SFRP1: variants seen among roughly 807,000 people sequenced by gnomAD.
SFRP1 encodes the protein secreted frizzled related protein 1.
Under a neutral mutation model 25.9 loss-of-function variants are expected in SFRP1, and 9 were observed. That is an observed-to-expected ratio of 0.35 (90% confidence interval 0.21 to 0.61). The LOEUF is 0.61. Ranked by LOEUF, SFRP1 falls within the 20% of genes least tolerant of loss-of-function variation. The pLI, the probability that SFRP1 is intolerant of heterozygous loss-of-function variation, is 0.78. For synonymous variants in SFRP1, 178 were observed against 174.0 expected (o/e 1.02, Z -0.18); for missense variants, 346 against 418.2 (o/e 0.83, Z 1.51).
intron 2 of SFRP1, among the ~76,000 whole-genome samples, chr8:41,288,212 G>T (rs923224305): frequency 3.3e-5 from 5 of 151,858 alleles, no homozygotes; most frequent in African/African-American, 1.2e-4. Flanking sequence ...AAAAAAATTA[G>T]CCAGTTGTTG....
In SFRP1 at chr8:41,265,112, T is replaced by TACC; in HGVS notation, c.*54_*55insGGT. ...GACCCACCGGGTTCCCGGGGCACTG[T>TACC]CCCCCCCGCTCCCACCCCACCCGAG... On this transcript the variant is annotated 3_prime_UTR_variant, in exon 3 of 3. Coordinates refer to ENST00000220772, the MANE Select transcript of SFRP1 (RefSeq NM_003012.5). 81 of 517,718 alleles carry TACC rather than the reference T, an allele frequency of 1.6e-4. No homozygotes were observed. The highest frequency in any genetic ancestry group is 2.1e-4 in the Non-Finnish European group (58 of 279,078). 32.1% of individuals were successfully genotyped at this position (517,718 alleles called of 1,614,324 possible).
At chr8:41,295,759 C>T (rs1384350929) in intron 2 of SFRP1, among the ~76,000 whole-genome samples, 3 of 145,290 alleles carry the variant, frequency 2.1e-5, no homozygotes, top group Admixed American at 1.4e-4. Flanking sequence ...TTTTTTTTTG[C>T]CACTGTCATT....
chr8:41,265,150 C>T lies in SFRP1; in HGVS notation c.*17G>A, dbSNP rs374352708. The T allele has an allele frequency of 1.4e-5, 21 of 1,459,214 alleles. No individual in the cohort carries two copies. In the South Asian group the frequency reaches 2.3e-4, roughly 16 times the overall value. 90.4% of individuals were successfully genotyped at this position (1,459,214 alleles called of 1,614,324 possible). On this transcript the variant is annotated 3_prime_UTR_variant, in exon 3 of 3. Coordinates refer to ENST00000220772, the MANE Select transcript of SFRP1 (RefSeq NM_003012.5). Reference sequence around the variant, plus strand: ...CACCCCACCCGAGGCTCCCTCCCCACCCTGCCCCCGGGAGAATCACTTAAA... The same window carrying T: ...CACCCCACCCGAGGCTCCCTCCCCATCCTGCCCCCGGGAGAATCACTTAAA...
Position 41,265,138 on chromosome 8 carries a change from GC to G in SFRP1, c.*28del. 2.0e-6 allele frequency: 1 copy of G among 508,948 alleles called. No individual in the cohort carries two copies. Among genetic ancestry groups the G allele is most frequent in the South Asian group, 2.0e-5 (1 of 50,516 alleles). The allele number at this position is 508,948 out of a possible 1,614,324, so 31.5% of individuals were successfully genotyped here. A position where few individuals can be genotyped will look rare whatever the true frequency, so the allele number is the denominator to read the frequency against. ...CCCCCCCGCTCCCACCCCACCCGAG[GC>G]TCCCTCCCCACCCTGCCCCCGGGAG... On this transcript the variant is annotated 3_prime_UTR_variant, in exon 3 of 3. Transcript: ENST00000220772.
At position 41,308,648 on chromosome 8, in the gene SFRP1, G is replaced by A. The variant is rs762154768; in HGVS notation, c.512C>T (p.Pro171Leu). Reference sequence around the variant, plus strand: ...CTTGGAGGCTTCGGTGGCATTGGGCGGCGTCATGGCGATGCAGACGTCCCC... The same window carrying A: ...CTTGGAGGCTTCGGTGGCATTGGGCAGCGTCATGGCGATGCAGACGTCCCC... ...PEGDVCIAMT[P>L]PNATEASKPQ... Residue 171 changes from proline (P) to leucine (L), a missense_variant, in exon 1 of 3, where the codon CCG becomes CTG. Physicochemically the swap from Pro to Leu is moderately conservative, Grantham distance 98. Coordinates refer to ENST00000220772, the MANE Select transcript of SFRP1 (RefSeq NM_003012.5). 7 of 1,607,510 alleles carry A rather than the reference G, an allele frequency of 4.4e-6. No homozygotes were observed. Among genetic ancestry groups the A allele is most frequent in the Non-Finnish European group, 6.0e-6 (7 of 1,175,900 alleles).
chr8:41,268,053 T>A (rs1366321162), intron 2 of SFRP1, among the ~76,000 whole-genome samples: 1 of 152,216 alleles, frequency 6.6e-6, no homozygotes, highest in Non-Finnish European at 1.5e-5. Context: ...TTATTTTATT[T>A]ATTAGAGATG....
intron 2 of SFRP1, among the ~76,000 whole-genome samples, chr8:41,296,390 C>G (rs1056311110): frequency 1.2e-4 from 18 of 151,852 alleles, no homozygotes; most frequent in South Asian, 4.2e-4. Context: ...ACAAAGATTT[C>G]AAGCACAATC....
At chr8:41,304,604 T>C (rs934439528) in intron 1 of SFRP1, among the ~76,000 whole-genome samples, 2 of 152,106 alleles carry the variant, frequency 1.3e-5, no homozygotes, top group Non-Finnish European at 2.9e-5. Context: ...TTGGTGTGCT[T>C]GGAGCCCACT....
At chr8:41,282,565 TAAATAAAATAAAATTTTAAATA>T (rs1283324555) in intron 2 of SFRP1, among the ~76,000 whole-genome samples, 2 of 148,260 alleles carry the variant, frequency 1.3e-5, no homozygotes, top group African/African-American at 2.6e-5. Flanking sequence ...AAAAAATAAA[TAAATAAAATAAAATTTTAAATA>T]AAATAAAATT....
chr8:41,306,995 A>T, intron 1 of SFRP1: 1 of 1,459,676 alleles, frequency 6.9e-7, no homozygotes, highest in Non-Finnish European at 9.0e-7. Context: ...ATGTCTGCAG[A>T]CGGTCCCAGA....
intron 2 of SFRP1, among the ~76,000 whole-genome samples, chr8:41,288,229 G>A (rs1585514644): frequency 1.3e-5 from 2 of 151,888 alleles, no homozygotes; most frequent in Non-Finnish European, 2.9e-5. Flanking sequence ...GTTGTGGGAC[G>A]TGCCTGTAAT....
At chr8:41,272,744 T>A (rs1803526511) in intron 2 of SFRP1, among the ~76,000 whole-genome samples, 1 of 152,104 alleles carries the variant, frequency 6.6e-6, no homozygotes, top group Admixed American at 6.5e-5. Context: ...AGTTTCAACA[T>A]CTGAGAAAAG....
In SFRP1 at chr8:41,265,102, C is replaced by T. The variant is rs1803417727; in HGVS notation, c.*65G>A. 3 of 1,168,310 alleles carry T rather than the reference C, an allele frequency of 2.6e-6. No homozygotes were observed. Among genetic ancestry groups the T allele is most frequent in the South Asian group, 3.0e-5 (2 of 67,060 alleles). The allele number at this position is 1,168,310 out of a possible 1,614,324, so 72.4% of individuals were successfully genotyped here. Reference sequence around the variant, plus strand: ...GCGTGTGTGTGACCCACCGGGTTCCCGGGGCACTGTCCCCCCCGCTCCCAC... The same window carrying T: ...GCGTGTGTGTGACCCACCGGGTTCCTGGGGCACTGTCCCCCCCGCTCCCAC... On this transcript the variant is annotated 3_prime_UTR_variant, in exon 3 of 3. Transcript: ENST00000220772.
intron 2 of SFRP1, among the ~76,000 whole-genome samples, chr8:41,279,672 G>A (rs879435371): frequency 3.3e-5 from 5 of 151,888 alleles, no homozygotes; most frequent in Non-Finnish European, 7.4e-5. Context: ...GGGTCTCACT[G>A]GCCCCCTTTC....
Position 41,308,979 on chromosome 8 carries a change from T to C in SFRP1, c.181A>G (p.Ile61Val). 1 of 1,613,416 alleles carries C rather than the reference T, an allele frequency of 6.2e-7. No homozygotes were observed. The highest frequency in any genetic ancestry group is 1.1e-5 in the South Asian group (1 of 91,078). ...FYTKPPQCVDIPADLRLCHNV... is the reference protein window; with the variant it reads ...FYTKPPQCVDVPADLRLCHNV... ...TGGCACAGCCGCAGGTCCGCGGGGATGTCCACGCACTGAGGTGGCTTGGTG... is the reference window on the plus strand; with the variant it reads ...TGGCACAGCCGCAGGTCCGCGGGGACGTCCACGCACTGAGGTGGCTTGGTG... Residue 61 changes from isoleucine to valine, a missense_variant, in exon 1 of 3, where the codon ATC (isoleucine) becomes GTC (valine). Transcript: ENST00000220772.
intron 2 of SFRP1, among the ~76,000 whole-genome samples, chr8:41,285,563 G>A (rs775971246): frequency 2.6e-5 from 4 of 152,214 alleles, no homozygotes; most frequent in Non-Finnish European, 4.4e-5. Context: ...AAAGAAATGC[G>A]GCTGCAGTAA....
At chr8:41,295,939 C>T (rs1231146478) in intron 2 of SFRP1, among the ~76,000 whole-genome samples, 3 of 152,204 alleles carry the variant, frequency 2.0e-5, no homozygotes, top group African/African-American at 7.2e-5. Context: ...TAACTCATCA[C>T]CAACTATTTG....
At chr8:41,290,635 AGCTGT>A (rs1477392417) in intron 2 of SFRP1, among the ~76,000 whole-genome samples, 1 of 152,132 alleles carries the variant, frequency 6.6e-6, no homozygotes, top group Non-Finnish European at 1.5e-5. Context: ...CGGCCAGGAC[AGCTGT>A]GCTGACCTCA....
In SFRP1 at chr8:41,286,955, G is replaced by A. The variant is rs1267160992; in HGVS notation, c.622+16506C>T. Among the ~76,000 whole-genome samples, 25 of 152,222 alleles carry A rather than the reference G, an allele frequency of 1.6e-4. 1 individual carries two copies. The highest frequency in any genetic ancestry group is 1.6e-3 in the Admixed American group (25 of 15,284). ...ATCTGAAGGGCTGAAAAAGAGTCCT[G>A]TGGGTCATGCCTCTGGCTTCCTGCC... On this transcript the variant is annotated intron_variant, in intron 2 of 2. Transcript: ENST00000220772.
Sources: gnomAD v4.1 joint callset for allele counts (sites outside exome capture counted in the v4.1 genomes callset) on GRCh38, gnomAD v4.1.1 for gene constraint, MANE v1.5 for transcripts, NCBI Gene and HGNC (gene_info 2026-07-23, HGNC 2026-07-21) for gene names.